Variants in LRP1B observed in about 807,000 individuals in gnomAD.
The protein encoded by LRP1B is low-density lipoprotein receptor-related protein 1B.
Under a neutral mutation model 556.6 loss-of-function variants are expected in LRP1B, and 217 were observed. The observed-to-expected ratio is 0.39, with a 90% CI of 0.35 to 0.44. The LOEUF (loss-of-function observed/expected upper bound fraction) is 0.44, where lower values mean the gene tolerates loss of function less well. Among genes scored for constraint, LRP1B ranks in the 20% least tolerant of loss-of-function variants. The probability of loss-of-function intolerance (pLI) is 1.00; values close to 1 mark genes in which losing one functional copy is unlikely to be tolerated. For synonymous variants in LRP1B, 2,047 were observed against 1,865.8 expected (o/e 1.10, Z -2.50); for missense variants, 5,053 against 5,620.8 (o/e 0.90, Z 3.23).
chr2:141,163,736 G>A (rs1043233893), intron 7 of LRP1B, among the ~76,000 whole-genome samples: 1 of 151,978 alleles, frequency 6.6e-6, no homozygotes, highest in Admixed American at 6.6e-5. Context: ...TGTGCCTTCT[G>A]CCATAGTTGT....
chr2:141,461,979 G>A (rs921153843), intron 3 of LRP1B, among the ~76,000 whole-genome samples: 1 of 152,178 alleles, frequency 6.6e-6, no homozygotes, highest in Non-Finnish European at 1.5e-5. Context: ...GCACAAAAAT[G>A]TAATGTTCAT....
chr2:140,829,672 T>G (rs1355289649), intron 31 of LRP1B, among the ~76,000 whole-genome samples: 1 of 151,822 alleles, frequency 6.6e-6, no homozygotes, highest in Non-Finnish European at 1.5e-5. Flanking sequence ...ATCAAAAAGT[T>G]AAAAGATTTT....
intron 1 of LRP1B, among the ~76,000 whole-genome samples, chr2:142,128,813 G>A (rs1707749141): frequency 6.6e-6 from 1 of 152,168 alleles, no homozygotes; most frequent in African/African-American, 2.4e-5. Flanking sequence ...TCTCCCTCAT[G>A]AAACTAAATT....
intron 11 of LRP1B, among the ~76,000 whole-genome samples, chr2:141,043,844 T>C (rs1271251153): frequency 6.6e-6 from 1 of 152,016 alleles, no homozygotes; most frequent in East Asian, 1.9e-4. Context: ...AAGATAAAAA[T>C]GAATTCAGTC....
chr2:140,425,940 G>A (rs1358160111), intron 66 of LRP1B, among the ~76,000 whole-genome samples: 3 of 152,054 alleles, frequency 2.0e-5, no homozygotes, highest in African/African-American at 7.3e-5. Flanking sequence ...GATTCCTGGA[G>A]TTACTAATAA....
intron 66 of LRP1B, among the ~76,000 whole-genome samples, chr2:140,422,266 G>A (rs1685478352): frequency 1.3e-5 from 2 of 152,178 alleles, no homozygotes; most frequent in African/African-American, 4.8e-5. Flanking sequence ...AAATCTGGTA[G>A]AATGTATGTG....
chr2:141,412,242 A>G (rs1387524865), intron 3 of LRP1B, among the ~76,000 whole-genome samples: 2 of 152,232 alleles, frequency 1.3e-5, no homozygotes, highest in East Asian at 3.8e-4. Flanking sequence ...CATCTGAAAG[A>G]ACCTTTATAG....
chr2:140,321,978 C>T lies in LRP1B; in HGVS notation c.12625G>A (p.Asp4209Asn), dbSNP rs753716378. The T allele has an allele frequency of 4.0e-5, 64 of 1,612,812 alleles. No individual in the cohort carries two copies. Among genetic ancestry groups the T allele is most frequent in the Admixed American group, 3.8e-4 (23 of 59,842 alleles). Residue 4209 changes from aspartate to asparagine, a missense_variant, in exon 82 of 91, where the codon GAT (aspartate) becomes AAT (asparagine). By Grantham distance (23) the Asp-to-Asn change is conservative. Transcript: ENST00000389484. The part of the protein sequence containing the change: ...GKYLINGTCN[D>N]DSLLDDSCKL... ...GTATACCCACCTAACAGGCTGTCAT[C>T]ATTGCAGGTGCCATTAATCAAATAT...
At chr2:141,390,735 CAG>C (rs978550269) in intron 3 of LRP1B, among the ~76,000 whole-genome samples, 195 of 152,154 alleles carry the variant, frequency 1.3e-3, no homozygotes, top group African/African-American at 4.3e-3. Flanking sequence ...GAGGTAAAGT[CAG>C]AGAGAGAGAA....
At position 140,457,650 on chromosome 2, in the gene LRP1B, G is replaced by A. The variant is rs773595683; in HGVS notation, c.9627C>T (p.Val3209=). ...SNMDGSHRHK[V]PNQDIPGVIA... ...TCACCCCTGGAATATCTTGATTAGG[G>A]ACTGTAATAGGAGATGGTAAGATTA... The change falls in exon 61 of 91, where the codon GTC becomes GTT. Residue 3209 remains valine, a splice_region_variant and synonymous_variant. Coordinates refer to ENST00000389484, the MANE Select transcript of LRP1B (RefSeq NM_018557.3). 40 of 1,610,488 alleles carry A rather than the reference G, an allele frequency of 2.5e-5. No homozygotes were observed. The highest frequency in any genetic ancestry group is 3.4e-5 in the Non-Finnish European group (40 of 1,176,852).
chr2:140,922,674 AAATT>A (rs966234944), intron 21 of LRP1B, among the ~76,000 whole-genome samples: 23 of 151,984 alleles, frequency 1.5e-4, no homozygotes, highest in African/African-American at 3.6e-4. Context: ...ATAAACAAAT[AAATT>A]AATTAATTAA....
chr2:140,308,551 C>T (rs543682081), intron 83 of LRP1B, among the ~76,000 whole-genome samples: 4 of 151,952 alleles, frequency 2.6e-5, no homozygotes, highest in South Asian at 2.1e-4. Context: ...CGCTTACCCC[C>T]ATTTAGCTTG....
At chr2:141,121,174 G>C (rs539128243) in intron 7 of LRP1B, among the ~76,000 whole-genome samples, 3 of 152,054 alleles carry the variant, frequency 2.0e-5, no homozygotes, top group Middle Eastern at 3.4e-3. Context: ...TAAGAGTAAA[G>C]CCTCATGGAG....
intron 1 of LRP1B, among the ~76,000 whole-genome samples, chr2:141,820,318 A>C (rs1002638630): frequency 6.6e-6 from 1 of 152,222 alleles, no homozygotes; most frequent in Admixed American, 6.5e-5. Flanking sequence ...TATAATTAAT[A>C]GAAATAGAAA....
intron 2 of LRP1B, among the ~76,000 whole-genome samples, chr2:141,563,941 C>T (rs1163180211): frequency 6.6e-6 from 1 of 151,964 alleles, no homozygotes; most frequent in Non-Finnish European, 1.5e-5. Context: ...GTGAAGGGAT[C>T]ATTCACATCC....
At chr2:140,316,665 A>C (rs1684531569) in intron 82 of LRP1B, among the ~76,000 whole-genome samples, 1 of 152,270 alleles carries the variant, frequency 6.6e-6, no homozygotes, top group Admixed American at 6.5e-5. Context: ...CAGTTACTTC[A>C]CTTTAAAATG....
intron 66 of LRP1B, among the ~76,000 whole-genome samples, chr2:140,417,449 A>G (rs1055478644): frequency 6.6e-5 from 10 of 152,248 alleles, no homozygotes; most frequent in Non-Finnish European, 1.2e-4. Flanking sequence ...AATCACTATT[A>G]TATGCAATCC....
chr2:141,535,228 T>G (rs1170042465), intron 2 of LRP1B, among the ~76,000 whole-genome samples: 1 of 152,142 alleles, frequency 6.6e-6, no homozygotes, highest in South Asian at 2.1e-4. Flanking sequence ...CTTCCTCAAA[T>G]GGGTTCATGT....
At chr2:141,158,276 G>A (rs1702118506) in intron 7 of LRP1B, among the ~76,000 whole-genome samples, 1 of 152,112 alleles carries the variant, frequency 6.6e-6, no homozygotes, top group Non-Finnish European at 1.5e-5. Context: ...TGGAATTTCA[G>A]TGCAGCACTG....
Sources: gnomAD v4.1 joint callset for allele counts (sites outside exome capture counted in the v4.1 genomes callset) on GRCh38, gnomAD v4.1.1 for gene constraint, MANE v1.5 for transcripts, NCBI Gene and HGNC (gene_info 2026-07-23, HGNC 2026-07-21) for gene names.